LRCOL1: variants seen among roughly 807,000 people sequenced by gnomAD.
LRCOL1 encodes the protein leucine-rich colipase-like protein 1.
Under a neutral mutation model 21.6 loss-of-function variants are expected in LRCOL1, and 21 were observed. The ratio of observed to expected loss-of-function variants is 0.97; its 90% confidence interval spans 0.69 to 1.40. The LOEUF is 1.40. Among genes scored for constraint, LRCOL1 ranks in the 40% most tolerant of loss-of-function variants. The pLI, the probability that LRCOL1 is intolerant of heterozygous loss-of-function variation, is 0.00. For missense variants in LRCOL1, 198 were observed against 202.3 expected (o/e 0.98, Z 0.13); for synonymous variants, 98 against 90.1 (o/e 1.09, Z -0.49).
At chr12:132,610,252 G>C (rs12424941) in intron 1 of LRCOL1, 71 bp downstream of exon 1, 3 of 152,242 alleles carry the variant, frequency 2.0e-5, no homozygotes, top group Non-Finnish European at 2.9e-5. Flanking sequence ...CGAGTGACTC[G>C]TGAGATTGGG....
chr12:132,604,652 G>A (rs1034451184), intron 3 of LRCOL1, 54 bp downstream of exon 3: 2 of 1,527,344 alleles, frequency 1.3e-6, no homozygotes, highest in Admixed American at 2.0e-5. Context: ...GGGCAGGTAG[G>A]AGGGGGCCAC....
chr12:132,608,319 G>A (rs1210121832), intron 1 of LRCOL1, among the ~76,000 whole-genome samples: 2 of 152,208 alleles, frequency 1.3e-5, no homozygotes, highest in Non-Finnish European at 2.9e-5. Flanking sequence ...CTGCGGCTGG[G>A]CAGCCTCCCC....
intron 1 of LRCOL1, among the ~76,000 whole-genome samples, 171 bp downstream of exon 1, chr12:132,610,152 C>T (rs1261620416): frequency 2.6e-5 from 4 of 152,302 alleles, no homozygotes; most frequent in African/African-American, 7.2e-5. Context: ...CAGGGCACCC[C>T]GGCCGAGGGC....
chr12:132,604,769 G>A lies in LRCOL1; in HGVS notation c.168C>T (p.Ser56=). ...ECQSNCCTIN[S]LAPHTLCTPK... ...GGGTGCAGAGCGTGTGTGGGGCCAG[G>A]CTGTTGATGGTACAGCAGTTGCTCT... The change falls in exon 3 of 6, where the codon AGC becomes AGT. Residue 56 remains serine, a synonymous_variant. Coordinates refer to ENST00000376608, the MANE Select transcript of LRCOL1 (RefSeq NM_001195520.2). 1.3e-6 allele frequency: 2 copies of A among 1,536,172 alleles called. No individual in the cohort carries two copies. Among genetic ancestry groups the A allele is most frequent in the South Asian group, 2.4e-5 (2 of 84,060 alleles).
intron 1 of LRCOL1, among the ~76,000 whole-genome samples, 170 bp downstream of exon 1, chr12:132,610,153 G>A (rs1029330760): frequency 6.6e-6 from 1 of 152,192 alleles, no homozygotes; most frequent in East Asian, 1.9e-4. Context: ...AGGGCACCCC[G>A]GCCGAGGGCA....
At chr12:132,604,141 C>T in intron 5 of LRCOL1, 113 bp downstream of exon 5, 1 of 1,448,732 alleles carries the variant, frequency 6.9e-7, no homozygotes, top group East Asian at 2.5e-5. Context: ...TGCCTGGGTG[C>T]TCAGAGCCCA....
At chr12:132,605,518 C>T (rs2041295636) in intron 2 of LRCOL1, among the ~76,000 whole-genome samples, 2 of 152,196 alleles carry the variant, frequency 1.3e-5, no homozygotes, top group Non-Finnish European at 2.9e-5. Context: ...CACCTGAGGT[C>T]AGGAGTTTGA....
At chr12:132,605,328 A>G (rs2041292319) in intron 2 of LRCOL1, among the ~76,000 whole-genome samples, 1 of 152,230 alleles carries the variant, frequency 6.6e-6, no homozygotes, top group Non-Finnish European at 1.5e-5. Context: ...GGATGAGGCT[A>G]TGTCTATTGA....
In LRCOL1 at chr12:132,606,062, G is replaced by T. The variant is rs559574424; in HGVS notation, c.105+85C>A. The T allele has an allele frequency of 8.4e-5, 109 of 1,297,604 alleles. 1 individual carries two copies. The African/African-American group carries it at 1.3e-3, about 15-fold the overall frequency. The allele number at this position is 1,297,604 out of a possible 1,614,324, so 80.4% of individuals were successfully genotyped here. On this transcript the variant is annotated intron_variant, in intron 2 of 5. Transcript: ENST00000376608. This position sits in a 1 kb window ranked among gnomAD's most constrained non-coding sequence, Gnocchi z 4.6. ...GAAAGTGGCAGCCCTCGCGGGTGGG[G>T]ACTGCAAGGGCCTCAGGGGCGCCCG...
In LRCOL1 at chr12:132,604,271, C is replaced by T. The variant is rs895683675; in HGVS notation, c.460G>A (p.Ala154Thr). The T allele has an allele frequency of 2.0e-6, 3 of 1,534,646 alleles. No homozygotes were observed. Among genetic ancestry groups the T allele is most frequent in the African/African-American group, 2.7e-5 (2 of 73,030 alleles). Residue 154 changes from alanine (A) to threonine (T), a missense_variant, in exon 5 of 6, where the codon GCC (alanine) becomes ACC (threonine). Physicochemically the swap from Ala to Thr is moderately conservative, Grantham distance 58 (BLOSUM62 0). Coordinates refer to ENST00000376608, the MANE Select transcript of LRCOL1 (RefSeq NM_001195520.2). ...GGACTTACCAGGGGCAGGCACTGGGCCAGGATCCCGGTCCGGGGAATGCAG... is the reference window on the plus strand; with the variant it reads ...GGACTTACCAGGGGCAGGCACTGGGTCAGGATCCCGGTCCGGGGAATGCAG... ...FRCIPRTGIL[A>T]QCLPL
chr12:132,607,736 CCT>C (rs575512075), intron 1 of LRCOL1, among the ~76,000 whole-genome samples: 1 of 139,966 alleles, frequency 7.1e-6, no homozygotes, highest in Non-Finnish European at 1.6e-5. Flanking sequence ...TCTGTCTCTC[CCT>C]CTCTCCGTCT....
chr12:132,603,541 C>T (rs757279998), intron 5 of LRCOL1, 137 bp from the exon 6 acceptor site: 4 of 1,499,172 alleles, frequency 2.7e-6, no homozygotes, highest in African/African-American at 2.8e-5. Flanking sequence ...CAGAGGCCGA[C>T]GCCCACGCTC....
rs369971091 is a variant in LRCOL1, at chr12:132,604,875, G to A, written c.106-44C>T. 25 of 1,530,454 alleles carry A rather than the reference G, an allele frequency of 1.6e-5. 1 individual carries two copies. In the African/African-American group the frequency reaches 2.3e-4, roughly 14 times the overall value. The allele number at this position is 1,530,454 out of a possible 1,614,324, so 94.8% of individuals were successfully genotyped here. A position where few individuals can be genotyped will look rare whatever the true frequency, so the allele number is the denominator to read the frequency against. On this transcript the variant is annotated intron_variant, in intron 2 of 5. Transcript: ENST00000376608. Reference sequence around the variant, plus strand: ...GCTCGCTCACCTGTTCCTGGGCAGGGCCTGCAGACTCAGCACTCAGGAAAG... The same window carrying A: ...GCTCGCTCACCTGTTCCTGGGCAGGACCTGCAGACTCAGCACTCAGGAAAG...
In LRCOL1 at chr12:132,606,233, T is replaced by C. The variant is rs920132571; in HGVS notation, c.19A>G (p.Thr7Ala). 2 of 1,536,398 alleles carry C rather than the reference T, an allele frequency of 1.3e-6. No homozygotes were observed. Among genetic ancestry groups the C allele is most frequent in the Admixed American group, 3.9e-5 (2 of 50,996 alleles). Residue 7 changes from threonine to alanine, a missense_variant, in exon 2 of 6, where the codon ACG becomes GCG. Thr to Ala is a moderately conservative substitution (Grantham distance 58). Coordinates refer to ENST00000376608, the MANE Select transcript of LRCOL1 (RefSeq NM_001195520.2). This position sits in a 1 kb window ranked among gnomAD's most constrained non-coding sequence, Gnocchi z 4.6. Reference protein sequence around the residue: MAGPGWTLLLLLLLLLL... With the variant: MAGPGWALLLLLLLLLL... ...AGCAGCAGCAGCAGTAGCAGCAGCG[T>C]CCACCCCGGGCCGGCCATCGGGTGT... is the stretch of plus-strand genomic sequence containing the variant.
chr12:132,608,112 A>G (rs960866230), intron 1 of LRCOL1, among the ~76,000 whole-genome samples: 1 of 152,160 alleles, frequency 6.6e-6, no homozygotes, highest in African/African-American at 2.4e-5. Flanking sequence ...GGAAAGGTGG[A>G]GCTCTGGCCA....
chr12:132,607,486 C>T (rs2041323154), intron 1 of LRCOL1, among the ~76,000 whole-genome samples: 1 of 152,218 alleles, frequency 6.6e-6, no homozygotes, highest in Non-Finnish European at 1.5e-5. Context: ...AAAGAAAGTC[C>T]ACCCTTGGCC....
intron 4 of LRCOL1, 34 bp from the exon 5 acceptor site, chr12:132,604,410 G>A: frequency 6.5e-7 from 1 of 1,533,952 alleles, no homozygotes. Context: ...TCGTGGAGAG[G>A]GGCTGTCTCC....
intron 1 of LRCOL1, among the ~76,000 whole-genome samples, chr12:132,608,726 C>T (rs1000663519): frequency 3.9e-5 from 6 of 152,154 alleles, no homozygotes; most frequent in Non-Finnish European, 5.9e-5. Context: ...GCCACTGTGC[C>T]CGTCTTAAAT....
chr12:132,603,165 G>A lies in LRCOL1; in HGVS notation c.*237C>T. 1 of 504,894 alleles carries A rather than the reference G, an allele frequency of 2.0e-6. No individual in the cohort carries two copies. The highest frequency in any genetic ancestry group is 3.4e-6 in the Non-Finnish European group (1 of 291,738). 31.3% of individuals were successfully genotyped at this position (504,894 alleles called of 1,614,324 possible). On this transcript the variant is annotated 3_prime_UTR_variant, in exon 6 of 6. Transcript: ENST00000376608. The stretch of plus-strand genomic sequence containing the variant: ...GACACGGCTGCTCAGTCGGCCAGGA[G>A]CCTTTATTGATGTTTAACAATCAGG...
Sources: gnomAD v4.1 joint callset for allele counts (sites outside exome capture counted in the v4.1 genomes callset) on GRCh38, gnomAD v4.1.1 for gene constraint, Gnocchi (gnomAD v3.1) non-coding constraint, MANE v1.5 for transcripts, NCBI Gene and HGNC (gene_info 2026-07-23, HGNC 2026-07-21) for gene names.